MPHOSPH6: variants seen among roughly 807,000 people sequenced by gnomAD.
MPHOSPH6 encodes M-phase phosphoprotein 6.
MPHOSPH6 carries 25 observed loss-of-function variants against 21.8 expected under a neutral mutation model. The ratio of observed to expected loss-of-function variants is 1.15; its 90% CI spans 0.83 to 1.60. MPHOSPH6 has a LOEUF of 1.60. Among genes scored for constraint, MPHOSPH6 ranks in the 40% most tolerant of loss-of-function variants. MPHOSPH6 has a pLI of 0.00. For synonymous variants in MPHOSPH6, 84 were observed against 56.5 expected, an observed-to-expected ratio of 1.49 and a Z score of -2.18; for missense variants, 269 against 181.8, an observed-to-expected ratio of 1.48 and a Z score of -2.76.
At chr16:82,168,770 CCTAT>C (rs1291549376) in intron 1 of MPHOSPH6, among the ~76,000 whole-genome samples, 2 of 152,174 alleles carry the variant, frequency 1.3e-5, no homozygotes, top group Non-Finnish European at 1.5e-5. Context: ...CTGCGAATGG[CCTAT>C]CTTTCAAAAC....
chr16:82,170,162 C>G lies in MPHOSPH6; in HGVS notation c.14G>C (p.Arg5Pro), dbSNP rs764958767. The G allele has an allele frequency of 8.2e-6, 13 of 1,594,606 alleles. No homozygotes were observed. Among genetic ancestry groups the G allele is most frequent in the South Asian group, 1.1e-5 (1 of 89,024 alleles). Reference sequence around the variant, plus strand: ...TAGATTCTTGGACAACCTTGTCTTTCGCTCGGCCGCCATGGTAGCTTCCGC... The same window carrying G: ...TAGATTCTTGGACAACCTTGTCTTTGGCTCGGCCGCCATGGTAGCTTCCGC... MAAE[R>P]KTRLSKNLLR... is the part of the protein sequence containing the mutation. Residue 5 changes from arginine to proline, a missense_variant, in exon 1 of 5, where the codon CGA (arginine) becomes CCA (proline). Transcript: ENST00000258169.
intron 1 of MPHOSPH6, among the ~76,000 whole-genome samples, chr16:82,165,531 T>A (rs1318326993): frequency 6.6e-6 from 1 of 152,176 alleles, no homozygotes; most frequent in Non-Finnish European, 1.5e-5. Flanking sequence ...AACCTTAACG[T>A]TCACGAATAA....
Position 82,170,143 on chromosome 16 carries a change from C to G in MPHOSPH6, c.33G>C (p.Lys11Asn). ...CCCGCACCTTCATGCGCAGTAGATT[C>G]TTGGACAACCTTGTCTTTCGCTCGG... MAAERKTRLS[K>N]NLLRMKFMQR... is the part of the protein sequence containing the mutation. Residue 11 changes from lysine to asparagine, a missense_variant, in exon 1 of 5, where the codon AAG (lysine) becomes AAC (asparagine). Transcript: ENST00000258169. 6.3e-7 allele frequency: 1 copy of G among 1,594,518 alleles called. No individual in the cohort carries two copies. The highest frequency in any genetic ancestry group is 1.4e-5 in the African/African-American group (1 of 73,678).
chr16:82,158,465 C>T (rs552140938), intron 2 of MPHOSPH6, among the ~76,000 whole-genome samples: 1 of 142,714 alleles, frequency 7.0e-6, no homozygotes, highest in African/African-American at 2.7e-5. Context: ...CGCCACTGCA[C>T]TCCAGCCTGG....
chr16:82,159,411 A>AT (rs923946753), intron 2 of MPHOSPH6, among the ~76,000 whole-genome samples: 82 of 149,526 alleles, frequency 5.5e-4, no homozygotes, highest in Admixed American at 2.7e-4. Context: ...TTCTAAATAA[A>AT]TTTTTTTTTT....
In MPHOSPH6 at chr16:82,151,550, A is replaced by G. The variant is rs1462841439; in HGVS notation, c.165-36T>C. Reference sequence around the variant, plus strand: ...AAATAAAAATAGCATTTCTCCATATATAAAGCACAGCAAACAAAAGCCAAC... The same window carrying G: ...AAATAAAAATAGCATTTCTCCATATGTAAAGCACAGCAAACAAAAGCCAAC... On this transcript the variant is annotated intron_variant, in intron 2 of 4. Coordinates refer to ENST00000258169, the MANE Select transcript of MPHOSPH6 (RefSeq NM_005792.2). 1.9e-6 allele frequency: 3 copies of G among 1,542,486 alleles called. No homozygotes were observed. The Admixed American group carries it at 6.4e-5, about 33-fold the overall frequency.
intron 1 of MPHOSPH6, 162 bp downstream of exon 1, chr16:82,169,963 A>G (rs1031724859): frequency 3.7e-5 from 30 of 806,384 alleles, no homozygotes; most frequent in Non-Finnish European, 5.4e-5. Context: ...GGTTCCCAGT[A>G]AACAGTGCAG....
At chr16:82,151,014 C>G (rs765647733) in intron 3 of MPHOSPH6, 4 of 154,296 alleles carry the variant, frequency 2.6e-5, no homozygotes, top group Non-Finnish European at 5.8e-5. Context: ...AATCTACTTA[C>G]AAGCTTGGAT....
In MPHOSPH6 at chr16:82,170,198, A is replaced by G. The variant is rs372260898; in HGVS notation, c.-23T>C. 9 of 1,555,792 alleles carry G rather than the reference A, an allele frequency of 5.8e-6. No homozygotes were observed. Among genetic ancestry groups the G allele is most frequent in the Middle Eastern group, 1.8e-4 (1 of 5,662 alleles). Reference sequence around the variant, plus strand: ...CATGGTAGCTTCCGCCCAGCGCCGCACTCCGGCCGCGAGCCTCACCGCACA... The same window carrying G: ...CATGGTAGCTTCCGCCCAGCGCCGCGCTCCGGCCGCGAGCCTCACCGCACA... On this transcript the variant is annotated 5_prime_UTR_variant, in exon 1 of 5. Transcript: ENST00000258169.
At chr16:82,163,420 T>C (rs564280050) in intron 2 of MPHOSPH6, among the ~76,000 whole-genome samples, 1 of 152,208 alleles carries the variant, frequency 6.6e-6, no homozygotes, top group South Asian at 2.1e-4. Context: ...CAGCCAAGCT[T>C]AGGGGTGGGC....
At chr16:82,152,180 A>C (rs140448196) in intron 2 of MPHOSPH6, among the ~76,000 whole-genome samples, 1 of 152,194 alleles carries the variant, frequency 6.6e-6, no homozygotes, top group South Asian at 2.1e-4. Flanking sequence ...CACAGGTCTG[A>C]GCTGTGTGGT....
intron 2 of MPHOSPH6, among the ~76,000 whole-genome samples, chr16:82,152,468 C>A (rs1290073888): frequency 6.6e-6 from 1 of 152,164 alleles, no homozygotes; most frequent in African/African-American, 2.4e-5. Context: ...CTCTTCATTT[C>A]CAAGGGGGAC....
At chr16:82,169,227 T>C (rs8054798) in intron 1 of MPHOSPH6, among the ~76,000 whole-genome samples, 1 of 152,250 alleles carries the variant, frequency 6.6e-6, no homozygotes, top group African/African-American at 2.4e-5. Context: ...GTTGTGACCA[T>C]TGCCTACTCT....
intron 2 of MPHOSPH6, among the ~76,000 whole-genome samples, chr16:82,162,769 A>C (rs1906647163): frequency 6.6e-6 from 1 of 152,168 alleles, no homozygotes. Flanking sequence ...CCTATACATA[A>C]ACAGGATGCT....
intron 2 of MPHOSPH6, among the ~76,000 whole-genome samples, chr16:82,163,497 T>C (rs570761389): frequency 9.2e-5 from 14 of 152,192 alleles, no homozygotes; most frequent in Non-Finnish European, 1.6e-4. Flanking sequence ...TACCCTCCCT[T>C]AAGCTCAGTT....
chr16:82,152,276 T>A (rs1160573828), intron 2 of MPHOSPH6, among the ~76,000 whole-genome samples: 1 of 152,222 alleles, frequency 6.6e-6, no homozygotes, highest in Non-Finnish European at 1.5e-5. Context: ...AGTTCTTTAG[T>A]GGTGACTTCT....
intron 2 of MPHOSPH6, among the ~76,000 whole-genome samples, chr16:82,154,984 G>A (rs764739500): frequency 6.6e-6 from 1 of 152,118 alleles, no homozygotes; most frequent in East Asian, 1.9e-4. Context: ...TCAGCAAATT[G>A]AATTTAAAAA....
chr16:82,158,676 T>C (rs934973355), intron 2 of MPHOSPH6, among the ~76,000 whole-genome samples: 1 of 152,146 alleles, frequency 6.6e-6, no homozygotes, highest in Non-Finnish European at 1.5e-5. Context: ...AAAGTGAACC[T>C]GACACTTCAA....
At chr16:82,165,248 T>A (rs1027940055) in intron 1 of MPHOSPH6, among the ~76,000 whole-genome samples, 1 of 151,064 alleles carries the variant, frequency 6.6e-6, no homozygotes, top group African/African-American at 2.4e-5. Flanking sequence ...CTGCCTCAGC[T>A]TCTCGAGTAG....
Sources: gnomAD v4.1 joint callset for allele counts (sites outside exome capture counted in the v4.1 genomes callset) on GRCh38, gnomAD v4.1.1 for gene constraint, MANE v1.5 for transcripts, NCBI Gene and HGNC (gene_info 2026-07-23, HGNC 2026-07-21) for gene names.